DHRS9: variants seen among roughly 807,000 people sequenced by gnomAD.
DHRS9 encodes the protein dehydrogenase/reductase 9.
Under a neutral mutation model 26.6 loss-of-function variants are expected in DHRS9, and 18 were observed. That is an observed-to-expected ratio of 0.68 (90% CI 0.47 to 1.00). DHRS9 has a LOEUF of 1.00. DHRS9 is among the 50% of genes least tolerant of loss of function. DHRS9 has a pLI of 0.00. For missense variants in DHRS9, 425 were observed against 378.7 expected, an observed-to-expected ratio of 1.12 and a Z score of -1.01; for synonymous variants, 134 against 141.1, an observed-to-expected ratio of 0.95 and a Z score of 0.36.
chr2:169,072,029 A>T (rs1683823219), intron 1 of DHRS9, among the ~76,000 whole-genome samples: 2 of 151,136 alleles, frequency 1.3e-5, no homozygotes, highest in African/African-American at 4.9e-5. Flanking sequence ...TTTTTTAAAC[A>T]AAACAAAACA....
At chr2:169,092,932 C>G (rs201814666) in intron 4 of DHRS9, among the ~76,000 whole-genome samples, 2 of 152,120 alleles carry the variant, frequency 1.3e-5, no homozygotes, top group African/African-American at 4.8e-5. Context: ...AATTGTACCA[C>G]CAGTAAGTGG....
chr2:169,092,416 AC>A (rs1684558711), intron 4 of DHRS9, among the ~76,000 whole-genome samples: 1 of 152,212 alleles, frequency 6.6e-6, no homozygotes, highest in Non-Finnish European at 1.5e-5. Context: ...TCAGCCTCTG[AC>A]CTTTAGTTTA....
chr2:169,083,676 CA>C, intron 3 of DHRS9, 89 bp downstream of exon 3: 1 of 1,445,932 alleles, frequency 6.9e-7, no homozygotes, highest in South Asian at 1.4e-5. Context: ...TAGTACCTTT[CA>C]AAAAGTCTAC....
At chr2:169,086,243 T>A (rs188455692) in intron 3 of DHRS9, among the ~76,000 whole-genome samples, 9 of 152,310 alleles carry the variant, frequency 5.9e-5, no homozygotes, top group Admixed American at 3.3e-4. Context: ...ATTTTTTTAT[T>A]TTGCTTGATC....
At chr2:169,069,017 A>G (rs910546485), upstream of DHRS9, among the ~76,000 whole-genome samples, 2 of 152,230 alleles carry the variant, frequency 1.3e-5, no homozygotes, top group African/African-American at 4.8e-5. Context: ...TCTCAGTTCC[A>G]GAGACCACTT....
At chr2:169,074,986 G>A (rs1450970736) in intron 1 of DHRS9, among the ~76,000 whole-genome samples, 2 of 152,098 alleles carry the variant, frequency 1.3e-5, no homozygotes, top group Non-Finnish European at 2.9e-5. Flanking sequence ...GGAGATTGAG[G>A]GGGAAGCAGA....
intron 1 of DHRS9, among the ~76,000 whole-genome samples, chr2:169,075,351 G>A (rs186894853): frequency 3.9e-5 from 6 of 152,202 alleles, no homozygotes; most frequent in Non-Finnish European, 8.8e-5. Flanking sequence ...ATAGGTGCAT[G>A]TGTGGTTTTA....
intron 2 of DHRS9, among the ~76,000 whole-genome samples, chr2:169,083,006 T>G (rs901613661): frequency 5.3e-5 from 8 of 152,166 alleles, no homozygotes; most frequent in Non-Finnish European, 1.2e-4. Flanking sequence ...GTTGTGCACA[T>G]GTACCCTAAA....
chr2:169,089,688 T>C (rs1380654864), intron 3 of DHRS9, among the ~76,000 whole-genome samples: 1 of 152,244 alleles, frequency 6.6e-6, no homozygotes, highest in Admixed American at 6.5e-5. Context: ...ATTTTGCCAT[T>C]TGATCAGGTT....
chr2:169,075,190 GA>G (rs201322416), intron 1 of DHRS9, among the ~76,000 whole-genome samples: 3 of 151,446 alleles, frequency 2.0e-5, no homozygotes, highest in Non-Finnish European at 3.0e-5. Flanking sequence ...TCTTTTCACA[GA>G]AAAAAAAGCT....
chr2:169,086,370 G>T (rs1036985877), intron 3 of DHRS9, among the ~76,000 whole-genome samples: 1 of 152,012 alleles, frequency 6.6e-6, no homozygotes, highest in Non-Finnish European at 1.5e-5. Context: ...TATCTGATAG[G>T]ATTCTGAATT....
chr2:169,070,840 G>A (rs373294354), intron 1 of DHRS9: 24 of 660,094 alleles, frequency 3.6e-5, no homozygotes, highest in South Asian at 2.7e-4. Flanking sequence ...CGAGGCCGGC[G>A]GATCACAAGG....
intron 3 of DHRS9, among the ~76,000 whole-genome samples, chr2:169,090,859 C>T (rs1684498726): frequency 6.6e-6 from 1 of 152,158 alleles, no homozygotes. Flanking sequence ...ATGTACAATA[C>T]TCTCTCGCGA....
chr2:169,069,631 T>TCTTC lies in DHRS9; in HGVS notation c.-140_-137dup. ...ATCAGCCTGGCCAGGGTGGCACAAC[T>TCTTC]CTTCCTTCCCCGTGCACAGCAGGAA... On this transcript the variant is annotated 5_prime_UTR_variant, in exon 1 of 5. Transcript: ENST00000674881. 1.0e-6 allele frequency: 1 copy of TCTTC among 985,454 alleles called. No homozygotes were observed. The highest frequency in any genetic ancestry group is 1.2e-6 in the Non-Finnish European group (1 of 829,962). The allele number at this position is 985,454 out of a possible 1,614,324, so 61.0% of individuals were successfully genotyped here. A position where few individuals can be genotyped will look rare whatever the true frequency, so the allele number is the denominator to read the frequency against.
upstream of DHRS9, among the ~76,000 whole-genome samples, chr2:169,068,890 C>T (rs1339512559): frequency 1.3e-5 from 2 of 152,260 alleles, no homozygotes; most frequent in Non-Finnish European, 2.9e-5. Flanking sequence ...CTCCCCTCCT[C>T]GCCTGCGGCC....
intron 1 of DHRS9, 28 bp from the exon 2 acceptor site, chr2:169,081,495 A>C (rs1406671773): frequency 1.3e-6 from 2 of 1,526,022 alleles, no homozygotes; most frequent in Non-Finnish European, 1.8e-6. Flanking sequence ...TTCTAATTTG[A>C]ATTTTCTTTT....
chr2:169,070,764 T>C (rs1683776245), intron 1 of DHRS9: 1 of 985,332 alleles, frequency 1.0e-6, no homozygotes, highest in Non-Finnish European at 1.2e-6. Context: ...TAAGGGACAG[T>C]GTTTAAAAAC....
chr2:169,078,575 C>G (rs1053473423), intron 1 of DHRS9, among the ~76,000 whole-genome samples: 17 of 152,086 alleles, frequency 1.1e-4, no homozygotes. Context: ...TACCACTTCC[C>G]CTCCCATAAT....
In DHRS9 at chr2:169,083,393, A is replaced by G; in HGVS notation, c.378A>G (p.Thr126=). ...PGVLAPTDWL[T]LEDYREPIEV... ...TGCTGGCTCCCACTGACTGGCTGAC[A>G]CTAGAGGACTACAGAGAACCTATTG... is the stretch of plus-strand genomic sequence containing the variant. The change falls in exon 3 of 5, where the codon ACA becomes ACG. Residue 126 remains threonine, a synonymous_variant. Transcript: ENST00000674881. 1.2e-6 allele frequency: 2 copies of G among 1,614,112 alleles called. No homozygotes were observed. Among genetic ancestry groups the G allele is most frequent in the Non-Finnish European group, 1.7e-6 (2 of 1,179,994 alleles).
Sources: allele counts gnomAD v4.1 joint callset (sites outside exome capture counted in the v4.1 genomes callset), GRCh38; gene constraint gnomAD v4.1.1; transcripts MANE v1.5; gene names NCBI Gene and HGNC (gene_info 2026-07-23, HGNC 2026-07-21).